Variants in PCDH15 observed in about 807,000 individuals in gnomAD.
PCDH15 encodes the protein protocadherin related 15, also known as protocadherin-15.
In PCDH15, 129 loss-of-function variants were observed where a neutral mutation model predicts 178.5. The ratio of observed to expected loss-of-function variants is 0.72; its 90% CI spans 0.63 to 0.84. The LOEUF is 0.84. Ranked by LOEUF, PCDH15 falls within the 40% of genes least tolerant of loss-of-function variation. The pLI, the probability that PCDH15 is intolerant of heterozygous loss-of-function variation, is 0.00. For missense variants in PCDH15, 2,230 were observed against 2,099.9 expected, an observed-to-expected ratio of 1.06 and a Z score of -1.21; for synonymous variants, 800 against 732.0, an observed-to-expected ratio of 1.09 and a Z score of -1.50.
intron 27 of PCDH15, among the ~76,000 whole-genome samples, chr10:53,859,551 T>A (rs1196462468): frequency 1.3e-5 from 2 of 152,056 alleles, no homozygotes; most frequent in Non-Finnish European, 2.9e-5. Context: ...ACTATTAGTA[T>A]CCCTTGAATT....
chr10:53,932,974 C>T (rs1391335862), intron 25 of PCDH15, among the ~76,000 whole-genome samples: 2 of 151,918 alleles, frequency 1.3e-5, no homozygotes, highest in Admixed American at 1.3e-4. Context: ...CCACCACTCT[C>T]TCTCTCCCTT....
At chr10:55,017,493 C>T (rs1446105272) in intron 2 of PCDH15, among the ~76,000 whole-genome samples, 1 of 152,058 alleles carries the variant, frequency 6.6e-6, no homozygotes, top group African/African-American at 2.4e-5. Flanking sequence ...GAGATAATTG[C>T]TAATTAAAAT....
At chr10:54,463,569 G>C (rs2077331343) in intron 3 of PCDH15, among the ~76,000 whole-genome samples, 1 of 152,094 alleles carries the variant, frequency 6.6e-6, no homozygotes, top group Non-Finnish European at 1.5e-5. Flanking sequence ...ATCTTCCAGT[G>C]GGAAGCCAAG....
rs959204550 is a variant in PCDH15 at position 53,830,024 on chromosome 10, C to T, written c.4202+1291G>A. Among the ~76,000 whole-genome samples the T allele has an allele frequency of 2.6e-5, 4 of 152,138 alleles. No homozygotes were observed. In the South Asian group the frequency reaches 8.3e-4, roughly 31 times the overall value. On this transcript the variant is annotated intron_variant, in intron 30 of 37. Coordinates refer to ENST00000644397, the MANE Select transcript of PCDH15 (RefSeq NM_001384140.1). ...TTTAAGAATACATAAGGACTATTGG[C>T]TGGGCGCGGTGGCTCACACCTGTAA...
chr10:54,643,512 G>C (rs1263160113), intron 2 of PCDH15, among the ~76,000 whole-genome samples: 1 of 152,034 alleles, frequency 6.6e-6, no homozygotes, highest in Non-Finnish European at 1.5e-5. Flanking sequence ...ACTGTGAAAG[G>C]AGAGTCTATT....
chr10:53,832,513 C>T (rs959991607), intron 29 of PCDH15, among the ~76,000 whole-genome samples: 1 of 151,798 alleles, frequency 6.6e-6, no homozygotes, highest in African/African-American at 2.4e-5. Context: ...CACAATTACT[C>T]ATAGTCCCAT....
At chr10:54,566,695 A>G (rs1363040044) in intron 2 of PCDH15, among the ~76,000 whole-genome samples, 1 of 152,168 alleles carries the variant, frequency 6.6e-6, no homozygotes, top group Non-Finnish European at 1.5e-5. Flanking sequence ...GCACTGAATA[A>G]TAGTCCATTG....
chr10:55,382,433 A>G (rs1450664034), intron 2 of PCDH15, among the ~76,000 whole-genome samples: 1 of 152,174 alleles, frequency 6.6e-6, no homozygotes, highest in Non-Finnish European at 1.5e-5. Context: ...TGTGACAAGG[A>G]CTAAATCTAC....
intron 1 of PCDH15, among the ~76,000 whole-genome samples, chr10:55,301,145 T>C (rs542258470): frequency 3.5e-4 from 54 of 152,308 alleles, no homozygotes; most frequent in African/African-American, 1.3e-3. Flanking sequence ...ATGTATCATA[T>C]GATAGTTGTA....
chr10:55,601,243 T>C (rs1843069953), intron 2 of PCDH15, among the ~76,000 whole-genome samples: 2 of 152,214 alleles, frequency 1.3e-5, no homozygotes, highest in Admixed American at 1.3e-4. Flanking sequence ...TGGAAACACA[T>C]ACACTTATAT....
At chr10:54,763,713 A>T (rs1591511165) in intron 1 of PCDH15, among the ~76,000 whole-genome samples, 1 of 149,636 alleles carries the variant, frequency 6.7e-6, no homozygotes, top group East Asian at 2.0e-4. Context: ...TCAAAATATC[A>T]CATTTACTTT....
chr10:54,445,362 A>G (rs1050069087), intron 3 of PCDH15, among the ~76,000 whole-genome samples: 56 of 151,570 alleles, frequency 3.7e-4, no homozygotes, highest in Non-Finnish European at 1.0e-4. Context: ...ACAGAAAAAA[A>G]GAGAATCCAA....
chr10:55,240,467 G>A (rs1054227992), intron 1 of PCDH15, among the ~76,000 whole-genome samples: 1 of 152,090 alleles, frequency 6.6e-6, no homozygotes, highest in African/African-American at 2.4e-5. Flanking sequence ...TTTCAGAATT[G>A]TGTTTAGTCT....
chr10:55,170,884 AAAAAAGAAAAAAAG>A (rs1171123081), intron 1 of PCDH15, among the ~76,000 whole-genome samples: 1 of 152,172 alleles, frequency 6.6e-6, no homozygotes, highest in African/African-American at 2.4e-5. Context: ...TCCATCTCAA[AAAAAAGAAAAAAAG>A]AAAAAGAAAA....
chr10:54,938,293 C>CTTTCACATGCCAGCA (rs1225947384), intron 2 of PCDH15, among the ~76,000 whole-genome samples: 13 of 144,942 alleles, frequency 9.0e-5, no homozygotes, highest in Admixed American at 2.2e-4. Flanking sequence ...TTCGGTTTAG[C>CTTTCACATGCCAGCA]ATAGTGTATA....
chr10:54,471,367 C>T (rs1188783252), intron 3 of PCDH15, among the ~76,000 whole-genome samples: 2 of 151,982 alleles, frequency 1.3e-5, no homozygotes, highest in African/African-American at 4.8e-5. Context: ...TTTTAACAGT[C>T]AGCTGTATTT....
intron 28 of PCDH15, among the ~76,000 whole-genome samples, chr10:53,850,363 T>A (rs546483394): frequency 1.3e-5 from 2 of 152,254 alleles, no homozygotes; most frequent in East Asian, 3.9e-4. Flanking sequence ...TATTGGGGTA[T>A]CTTCAGTTCT....
chr10:55,117,421 T>G (rs1317357310), intron 2 of PCDH15, among the ~76,000 whole-genome samples: 1 of 152,174 alleles, frequency 6.6e-6, no homozygotes, highest in Non-Finnish European at 1.5e-5. Flanking sequence ...AATATTATGC[T>G]TCATAGGCCA....
chr10:54,329,732 C>T lies in PCDH15; in HGVS notation c.595-26G>A, dbSNP rs763896623. ...CTGCAAATATTAAAGATACAGACTT[C>T]AGATTATTTGAATGTAAGATGAATT... On this transcript the variant is annotated intron_variant, in intron 6 of 37. Transcript: ENST00000644397. 5 of 1,383,502 alleles carry T rather than the reference C, an allele frequency of 3.6e-6. 1 individual carries two copies. In the South Asian group the frequency reaches 5.8e-5, roughly 16 times the overall value. 85.7% of individuals were successfully genotyped at this position (1,383,502 alleles called of 1,614,324 possible). A position where few individuals can be genotyped will look rare whatever the true frequency, so the allele number is the denominator to read the frequency against.
Sources: gnomAD v4.1 joint callset for allele counts (sites outside exome capture counted in the v4.1 genomes callset) on GRCh38, gnomAD v4.1.1 for gene constraint, MANE v1.5 for transcripts, NCBI Gene and HGNC (gene_info 2026-07-23, HGNC 2026-07-21) for gene names.